The following GIPC1 variants were observed in gnomAD, a reference collection of about 807,000 sequenced individuals.
GIPC1 encodes GIPC PDZ domain containing family member 1.
Under a neutral mutation model 28.5 loss-of-function variants are expected in GIPC1, and 15 were observed. The ratio of observed to expected loss-of-function variants is 0.53; its 90% CI spans 0.35 to 0.81. The LOEUF (loss-of-function observed/expected upper bound fraction) is 0.81. GIPC1 is among the 30% of genes least tolerant of loss of function. The probability of loss-of-function intolerance (pLI) is 0.01; values close to 1 mark genes in which losing one functional copy is unlikely to be tolerated. For missense variants in GIPC1, 439 were observed against 481.9 expected, an observed-to-expected ratio of 0.91 and a Z score of 0.83; for synonymous variants, 224 against 206.1, an observed-to-expected ratio of 1.09 and a Z score of -0.74.
chr19:14,493,694 T>C (rs1193868139), intron 1 of GIPC1, among the ~76,000 whole-genome samples: 3 of 152,036 alleles, frequency 2.0e-5, no homozygotes, highest in Non-Finnish European at 4.4e-5. Flanking sequence ...AGTTTCATTC[T>C]TGTTGCCCAG....
chr19:14,490,592 G>T (rs1029725970), intron 3 of GIPC1, among the ~76,000 whole-genome samples: 1 of 151,656 alleles, frequency 6.6e-6, no homozygotes, highest in African/African-American at 2.4e-5. Flanking sequence ...CAGGAGAATC[G>T]CTTGAACCTG....
Position 14,478,078 on chromosome 19 carries a change from G to A in GIPC1, c.*338C>T. 3.4e-6 allele frequency: 1 copy of A among 290,074 alleles called. No individual in the cohort carries two copies. The highest frequency in any genetic ancestry group is 6.6e-6 in the Non-Finnish European group (1 of 151,882). The allele number at this position is 290,074 out of a possible 1,614,324, so 18.0% of individuals were successfully genotyped here. A position where few individuals can be genotyped will look rare whatever the true frequency, so the allele number is the denominator to read the frequency against. The stretch of plus-strand genomic sequence containing the variant: ...CCCAAACAGAACCCAAGGCCCCAGG[G>A]AGACAGAGGGACCAGTTTGGCAGCT... On this transcript the variant is annotated 3_prime_UTR_variant, in exon 9 of 9. Coordinates refer to ENST00000393033, the MANE Select transcript of GIPC1 (RefSeq NM_005716.4). The surrounding 1 kb of genome is among the most constrained non-coding windows in gnomAD (Gnocchi z 5.2).
chr19:14,495,405 G>T (rs2072055051), intron 1 of GIPC1, among the ~76,000 whole-genome samples: 1 of 152,100 alleles, frequency 6.6e-6, no homozygotes, highest in Non-Finnish European at 1.5e-5. Context: ...TGTGACTCCA[G>T]TTCTGGACCC....
intron 3 of GIPC1, among the ~76,000 whole-genome samples, chr19:14,490,044 C>G (rs2071932268): frequency 6.6e-6 from 1 of 152,156 alleles, no homozygotes. Context: ...AGTGCTTGCT[C>G]TCAAGAGCCC....
intron 3 of GIPC1, among the ~76,000 whole-genome samples, chr19:14,487,242 T>G (rs1270943324): frequency 6.6e-6 from 1 of 151,478 alleles, no homozygotes; most frequent in Non-Finnish European, 1.5e-5. Flanking sequence ...CTTTCTTTTT[T>G]TTTTTTTGAG....
chr19:14,479,786 C>A, intron 6 of GIPC1: 1 of 414,902 alleles, frequency 2.4e-6, no homozygotes, highest in South Asian at 5.7e-5. Context: ...CACTTCTGCT[C>A]CCAGGGGCTG....
At chr19:14,490,949 T>A (rs1458081686) in intron 3 of GIPC1, among the ~76,000 whole-genome samples, 1 of 132,278 alleles carries the variant, frequency 7.6e-6, no homozygotes, top group South Asian at 2.4e-4. Context: ...CACTCTAGCC[T>A]GGGTGACAGA....
chr19:14,483,050 G>T, intron 3 of GIPC1, 44 bp from the exon 4 acceptor site: 1 of 1,402,032 alleles, frequency 7.1e-7, no homozygotes, highest in African/African-American at 1.4e-5. Flanking sequence ...CAGAGGCCTT[G>T]GGTGCCCCTC....
At chr19:14,491,286 TCTCA>T (rs2071968337) in intron 3 of GIPC1, among the ~76,000 whole-genome samples, 2 of 151,598 alleles carry the variant, frequency 1.3e-5, no homozygotes, top group Admixed American at 1.3e-4. Context: ...TGAGATGAAC[TCTCA>T]CTCTGTCACC....
Position 14,482,894 on chromosome 19 carries a change from C to A in GIPC1, c.83G>T (p.Gly28Val). 1 of 1,596,734 alleles carries A rather than the reference C, an allele frequency of 6.3e-7. No individual in the cohort carries two copies. Among genetic ancestry groups the A allele is most frequent in the Non-Finnish European group, 8.5e-7 (1 of 1,172,276 alleles). The change falls in exon 4 of 9, where the codon GGC becomes GTC. Residue 28 changes from glycine to valine, a missense_variant. By Grantham distance (109) the Gly-to-Val change is moderately radical. Transcript: ENST00000393033. ...GCCCAGAGGCCCTGGCTCCCCCACG[C>A]CCAGCCCTCCACGGCCTGGCTCAGC... ...EEAEPGRGGL[G>V]VGEPGPLGGG...
chr19:14,492,131 G>C (rs577122923), intron 2 of GIPC1, among the ~76,000 whole-genome samples: 4 of 152,134 alleles, frequency 2.6e-5, no homozygotes, highest in Non-Finnish European at 4.4e-5. Context: ...TACGCACTGG[G>C]AGGCAGGAAA....
intron 6 of GIPC1, chr19:14,479,869 T>C: frequency 2.7e-6 from 1 of 363,748 alleles, no homozygotes; most frequent in Non-Finnish European, 5.0e-6. Context: ...GCCAAGGGGG[T>C]ATGGCTGCTG....
Position 14,478,164 on chromosome 19 carries a change from T to C in GIPC1, c.*252A>G. On this transcript the variant is annotated 3_prime_UTR_variant, in exon 9 of 9. Coordinates refer to ENST00000393033, the MANE Select transcript of GIPC1 (RefSeq NM_005716.4). The surrounding 1 kb of genome is among the most constrained non-coding windows in gnomAD (Gnocchi z 5.2). ...CAATTTGGCTGATCCCTCCCCTCCC[T>C]GTGCCTGACCCAGCTGAGGTAGGTG... The C allele has an allele frequency of 2.2e-6, 1 of 458,304 alleles. No homozygotes were observed. Among genetic ancestry groups the C allele is most frequent in the Non-Finnish European group, 3.9e-6 (1 of 255,976 alleles). 28.4% of individuals were successfully genotyped at this position (458,304 alleles called of 1,614,324 possible).
intron 3 of GIPC1, among the ~76,000 whole-genome samples, chr19:14,487,788 C>T (rs1007908511): frequency 2.0e-5 from 3 of 147,520 alleles, no homozygotes; most frequent in South Asian, 2.2e-4. Context: ...GTGATCCTCC[C>T]GCCCCAGCCT....
At chr19:14,488,480 G>A (rs570991298) in intron 3 of GIPC1, among the ~76,000 whole-genome samples, 8 of 149,830 alleles carry the variant, frequency 5.3e-5, no homozygotes, top group South Asian at 2.1e-4. Flanking sequence ...CTAGCCAGGC[G>A]CGGTGGCTCA....
At chr19:14,483,354 G>C (rs1052304551) in intron 3 of GIPC1, 3 of 193,342 alleles carry the variant, frequency 1.6e-5, no homozygotes, top group African/African-American at 7.2e-5. Flanking sequence ...TACTTGGGAG[G>C]CTGAGGCACA....
chr19:14,477,860 C>T lies in GIPC1; in HGVS notation c.*556G>A, dbSNP rs1289501246. On this transcript the variant is annotated 3_prime_UTR_variant, in exon 9 of 9. Coordinates refer to ENST00000393033, the MANE Select transcript of GIPC1 (RefSeq NM_005716.4). ...CCTCCTGCTCTGGGCCAGGGATGGG[C>T]CTGGAAGGAGAGATGGGAGGTGGGG... The T allele has an allele frequency of 1.3e-5, 2 of 153,680 alleles. No individual in the cohort carries two copies. The highest frequency in any genetic ancestry group is 2.4e-5 in the African/African-American group (1 of 41,412). 9.5% of individuals were successfully genotyped at this position (153,680 alleles called of 1,614,324 possible).
chr19:14,481,145 T>A (rs1031098036), intron 4 of GIPC1, among the ~76,000 whole-genome samples: 1 of 152,268 alleles, frequency 6.6e-6, no homozygotes, highest in East Asian at 1.9e-4. Context: ...AATTTTTGTA[T>A]TTTTTGTGGA....
chr19:14,495,915 G>A (rs1450114987), intron 1 of GIPC1, 122 bp downstream of exon 1: 2 of 141,712 alleles, frequency 1.4e-5, no homozygotes, highest in Admixed American at 7.2e-5. Flanking sequence ...CCCGCGCGCA[G>A]CCTAGACCTC....
Sources: allele counts gnomAD v4.1 joint callset (sites outside exome capture counted in the v4.1 genomes callset), GRCh38; gene constraint gnomAD v4.1.1; non-coding constraint Gnocchi (gnomAD v3.1); transcripts MANE v1.5; gene names NCBI Gene and HGNC (gene_info 2026-07-23, HGNC 2026-07-21).